Variants in ARHGAP1 observed in about 807,000 individuals in gnomAD.
The protein encoded by ARHGAP1 is Rho GTPase activating protein 1.
In ARHGAP1, 23 loss-of-function variants were observed where a neutral mutation model predicts 52.2. The ratio of observed to expected loss-of-function variants is 0.44; its 90% confidence interval spans 0.32 to 0.62. The LOEUF (loss-of-function observed/expected upper bound fraction) is 0.62, where lower values mean the gene tolerates loss of function less well. Ranked by LOEUF, ARHGAP1 falls within the 20% of genes least tolerant of loss-of-function variation. ARHGAP1 has a pLI of 0.05. For synonymous variants in ARHGAP1, 210 were observed against 228.4 expected (o/e 0.92, Z 0.73); for missense variants, 480 against 560.9 (o/e 0.86, Z 1.46).
At position 46,687,851 on chromosome 11, in the gene ARHGAP1, T is replaced by G. The variant is rs779087164; in HGVS notation, c.317+322A>C. On this transcript the variant is annotated intron_variant, in intron 4 of 12. Transcript: ENST00000311956. ...GATTATAACAGTCAATCATCACATC[T>G]GGACAAAAGTCCTTCCTTTTCATGT... The G allele has an allele frequency of 3.5e-4, 103 of 295,598 alleles. 1 individual carries two copies. The highest frequency in any genetic ancestry group is 2.6e-3 in the South Asian group (43 of 16,372). 18.3% of individuals were successfully genotyped at this position (295,598 alleles called of 1,614,324 possible). A position where few individuals can be genotyped will look rare whatever the true frequency, so the allele number is the denominator to read the frequency against.
intron 4 of ARHGAP1, 116 bp downstream of exon 4, chr11:46,688,057 G>A: frequency 1.1e-6 from 1 of 918,904 alleles, no homozygotes; most frequent in Non-Finnish European, 1.7e-6. Context: ...GAAGAGGGAA[G>A]GCATTAAGGC....
rs1338239627 is a variant in ARHGAP1, at chr11:46,679,135, T to C, written c.1222A>G (p.Ile408Val). 2 of 1,614,064 alleles carry C rather than the reference T, an allele frequency of 1.2e-6. No homozygotes were observed. Among genetic ancestry groups the C allele is most frequent in the Admixed American group, 1.7e-5 (1 of 60,010 alleles). Residue 408 changes from isoleucine to valine, a missense_variant, in exon 13 of 13, where the codon ATC becomes GTC. Transcript: ENST00000311956. This position sits in a 1 kb window ranked among gnomAD's most constrained non-coding sequence, Gnocchi z 4.4. ...PNLLWAKDAA[I>V]TLKAINPINT... is the part of the protein sequence containing the mutation. ...ATGGGATTAATGGCCTTGAGGGTGA[T>C]GGCCGCATCCTTGGCCCACAGCAGG...
Position 46,680,507 on chromosome 11 carries a change from A to G in ARHGAP1, c.800T>C (p.Val267Ala). The change falls in exon 9 of 13, where the codon GTT (valine) becomes GCT (alanine). Residue 267 changes from valine to alanine, a missense_variant. Val to Ala is a moderately conservative substitution (Grantham distance 64). Transcript: ENST00000311956. The surrounding 1 kb of genome is among the most constrained non-coding windows in gnomAD (Gnocchi z 5.9). Reference protein sequence around the residue: ...EPIPIVLRETVAYLQAHALTT... With the variant: ...EPIPIVLRETAAYLQAHALTT... Reference sequence around the variant, plus strand: ...CTCACCGTGGGCCTGTAAGTAGGCAACAGTCTCCCTGAGTACAATGGGAAT... The same window carrying G: ...CTCACCGTGGGCCTGTAAGTAGGCAGCAGTCTCCCTGAGTACAATGGGAAT... 1 of 1,614,036 alleles carries G rather than the reference A, an allele frequency of 6.2e-7. No individual in the cohort carries two copies. The highest frequency in any genetic ancestry group is 8.5e-7 in the Non-Finnish European group (1 of 1,179,978).
At chr11:46,695,333 T>C in intron 3 of ARHGAP1, 1 of 384,874 alleles carries the variant, frequency 2.6e-6, no homozygotes, top group Middle Eastern at 8.7e-4. Flanking sequence ...AAGCCAACAT[T>C]AGGGTGGAGG....
At position 46,680,805 on chromosome 11, in the gene ARHGAP1, A is replaced by G. The variant is rs2064519955; in HGVS notation, c.636-58T>C. On this transcript the variant is annotated intron_variant, in intron 7 of 12. Coordinates refer to ENST00000311956, the MANE Select transcript of ARHGAP1 (RefSeq NM_004308.5). This position sits in a 1 kb window ranked among gnomAD's most constrained non-coding sequence, Gnocchi z 5.9. The stretch of plus-strand genomic sequence containing the variant: ...GCCTGGCTCTGGAGTCACTCTGCCA[A>G]TTCAATCAAGCATTGACCACGCGGG... 5.2e-6 allele frequency: 7 copies of G among 1,355,748 alleles called. No homozygotes were observed. The highest frequency in any genetic ancestry group is 4.0e-6 in the Non-Finnish European group (4 of 995,424). 84.0% of individuals were successfully genotyped at this position (1,355,748 alleles called of 1,614,324 possible). A position where few individuals can be genotyped will look rare whatever the true frequency, so the allele number is the denominator to read the frequency against.
chr11:46,680,142 A>G lies in ARHGAP1; in HGVS notation c.898+63T>C, dbSNP rs2064512963. 1 of 1,507,628 alleles carries G rather than the reference A, an allele frequency of 6.6e-7. No individual in the cohort carries two copies. The highest frequency in any genetic ancestry group is 1.7e-4 in the Middle Eastern group (1 of 5,888). 93.4% of individuals were successfully genotyped at this position (1,507,628 alleles called of 1,614,324 possible). On this transcript the variant is annotated intron_variant, in intron 10 of 12. Transcript: ENST00000311956. The surrounding 1 kb of genome is among the most constrained non-coding windows in gnomAD (Gnocchi z 5.9). The stretch of plus-strand genomic sequence containing the variant: ...GAGACTCTCATTTACAGGGCAGCAG[A>G]GGGCAGAGAAGCCCCCTACCAGTAA...
chr11:46,677,975 C>T lies in ARHGAP1; in HGVS notation c.*1062G>A. On this transcript the variant is annotated 3_prime_UTR_variant, in exon 13 of 13. Transcript: ENST00000311956. ...AAAAAAAAAAGGTGGCCCTAGAGCC[C>T]CTTAATCCCCTGGGGAAATTGCTAG... 1 of 437,384 alleles carries T rather than the reference C, an allele frequency of 2.3e-6. No individual in the cohort carries two copies. Among genetic ancestry groups the T allele is most frequent in the Non-Finnish European group, 4.5e-6 (1 of 221,304 alleles). The allele number at this position is 437,384 out of a possible 1,614,324, so 27.1% of individuals were successfully genotyped here.
At position 46,679,051 on chromosome 11, in the gene ARHGAP1, G is replaced by T. The variant is rs528899760; in HGVS notation, c.1306C>A (p.Pro436Thr). Residue 436 changes from proline (P) to threonine (T), a missense_variant, in exon 13 of 13, where the codon CCC becomes ACC. Physicochemically the swap from Pro to Thr is conservative, Grantham distance 38 (BLOSUM62 -1). Coordinates refer to ENST00000311956, the MANE Select transcript of ARHGAP1 (RefSeq NM_004308.5). The surrounding 1 kb of genome is among the most constrained non-coding windows in gnomAD (Gnocchi z 4.4). ...HQGELFPSPD[P>T]SGL ...AGGGGCCAGGTTCAGAGCCCGCTGGGGTCCGGGCTTGGGAACAGCTCCCCT... is the reference window on the plus strand; with the variant it reads ...AGGGGCCAGGTTCAGAGCCCGCTGGTGTCCGGGCTTGGGAACAGCTCCCCT... The T allele has an allele frequency of 6.2e-7, 1 of 1,614,068 alleles. No individual in the cohort carries two copies. The highest frequency in any genetic ancestry group is 1.3e-5 in the African/African-American group (1 of 74,946).
Position 46,680,680 on chromosome 11 carries a change from G to C in ARHGAP1, c.703C>G (p.Pro235Ala). 1.2e-6 allele frequency: 2 copies of C among 1,605,326 alleles called. No homozygotes were observed. The highest frequency in any genetic ancestry group is 1.7e-6 in the Non-Finnish European group (2 of 1,174,984). ...ATAPKPMPPR[P>A]PLPNQQFGVS... is the part of the protein sequence containing the mutation. ...CCAAACTGCTGGTTGGGCAGGGGGG[G>C]CCGTGGGGGCATGGGCTTGGGGGCT... Residue 235 changes from proline to alanine, a missense_variant, in exon 8 of 13, where the codon CCC becomes GCC. Pro to Ala is a conservative substitution (Grantham distance 27, BLOSUM62 -1). Transcript: ENST00000311956. The surrounding 1 kb of genome is among the most constrained non-coding windows in gnomAD (Gnocchi z 5.9).
In ARHGAP1 at chr11:46,678,943, A is replaced by G. The variant is rs1402705765; in HGVS notation, c.*94T>C. 2.5e-5 allele frequency: 35 copies of G among 1,393,076 alleles called. No homozygotes were observed. The highest frequency in any genetic ancestry group is 2.5e-5 in the Non-Finnish European group (26 of 1,021,900). 86.3% of individuals were successfully genotyped at this position (1,393,076 alleles called of 1,614,324 possible). ...AGCATGCCTGATGGGTGGCTCCAAC[A>G]TCTCTCTCCAGGGGGCTTCATGGCC... On this transcript the variant is annotated 3_prime_UTR_variant, in exon 13 of 13. Coordinates refer to ENST00000311956, the MANE Select transcript of ARHGAP1 (RefSeq NM_004308.5).
At position 46,678,027 on chromosome 11, in the gene ARHGAP1, A is replaced by G. The variant is rs1215741206; in HGVS notation, c.*1010T>C. The stretch of plus-strand genomic sequence containing the variant: ...ACCCACCTATCTGGACTGACCTATC[A>G]GCACAATCTCTGCCCCTCCTACGGG... On this transcript the variant is annotated 3_prime_UTR_variant, in exon 13 of 13. Transcript: ENST00000311956. 5 of 398,522 alleles carry G rather than the reference A, an allele frequency of 1.3e-5. No individual in the cohort carries two copies. The highest frequency in any genetic ancestry group is 8.2e-5 in the East Asian group (1 of 12,212). The allele number at this position is 398,522 out of a possible 1,614,324, so 24.7% of individuals were successfully genotyped here. A position where few individuals can be genotyped will look rare whatever the true frequency, so the allele number is the denominator to read the frequency against.
intron 3 of ARHGAP1, chr11:46,695,373 G>A: frequency 2.2e-6 from 1 of 460,548 alleles, no homozygotes; most frequent in African/African-American, 2.0e-5. Flanking sequence ...GAGGGGAAGG[G>A]AAGGCTACTT....
Position 46,680,816 on chromosome 11 carries a change from C to A in ARHGAP1, c.636-69G>T. 2 of 1,254,140 alleles carry A rather than the reference C, an allele frequency of 1.6e-6. No homozygotes were observed. The highest frequency in any genetic ancestry group is 2.2e-6 in the Non-Finnish European group (2 of 904,760). 77.7% of individuals were successfully genotyped at this position (1,254,140 alleles called of 1,614,324 possible). The stretch of plus-strand genomic sequence containing the variant: ...GAGTCACTCTGCCAATTCAATCAAG[C>A]ATTGACCACGCGGGGTCAGGAGGAT... On this transcript the variant is annotated intron_variant, in intron 7 of 12. Transcript: ENST00000311956. The surrounding 1 kb of genome is among the most constrained non-coding windows in gnomAD (Gnocchi z 5.9).
At chr11:46,695,373 GA>G (rs1324082518) in intron 3 of ARHGAP1, 5 of 460,430 alleles carry the variant, frequency 1.1e-5, no homozygotes, top group Admixed American at 2.9e-5. Flanking sequence ...GAGGGGAAGG[GA>G]AGGCTACTTA....
intron 4 of ARHGAP1, chr11:46,687,877 G>A: frequency 2.9e-6 from 1 of 345,642 alleles, no homozygotes; most frequent in Non-Finnish European, 5.3e-6. Flanking sequence ...CTTTTCATGT[G>A]CTGTTTGTCA....
rs2064528315 is a variant in ARHGAP1, at chr11:46,681,561, G to A, written c.450-182C>T. The A allele has an allele frequency of 1.8e-6, 1 of 561,562 alleles. No homozygotes were observed. The highest frequency in any genetic ancestry group is 3.1e-5 in the East Asian group (1 of 31,814). The allele number at this position is 561,562 out of a possible 1,614,324, so 34.8% of individuals were successfully genotyped here. A position where few individuals can be genotyped will look rare whatever the true frequency, so the allele number is the denominator to read the frequency against. ...CTATTCTCCTGCCTCAGCCTCCTGA[G>A]TAACTAGGATTACAGGCACCCACCA... On this transcript the variant is annotated intron_variant, in intron 5 of 12. Coordinates refer to ENST00000311956, the MANE Select transcript of ARHGAP1 (RefSeq NM_004308.5). This position sits in a 1 kb window ranked among gnomAD's most constrained non-coding sequence, Gnocchi z 5.7.
chr11:46,699,020 T>C (rs916045374), intron 1 of ARHGAP1, among the ~76,000 whole-genome samples: 1 of 152,210 alleles, frequency 6.6e-6, no homozygotes, highest in Non-Finnish European at 1.5e-5. Flanking sequence ...AACTCTGAGA[T>C]TAATTTTTCC....
intron 3 of ARHGAP1, among the ~76,000 whole-genome samples, chr11:46,691,365 A>G (rs1183164318): frequency 6.6e-6 from 1 of 151,406 alleles, no homozygotes; most frequent in Non-Finnish European, 1.5e-5. Flanking sequence ...GCTCACTGCA[A>G]CCACCACCTC....
At position 46,679,060 on chromosome 11, in the gene ARHGAP1, T is replaced by C. The variant is rs1319295903; in HGVS notation, c.1297A>G (p.Ser433Gly). The C allele has an allele frequency of 6.2e-7, 1 of 1,614,170 alleles. No individual in the cohort carries two copies. Among genetic ancestry groups the C allele is most frequent in the Middle Eastern group, 1.6e-4 (1 of 6,062 alleles). The change falls in exon 13 of 13, where the codon AGC becomes GGC. Residue 433 changes from serine (S) to glycine (G), a missense_variant. By Grantham distance (56) the Ser-to-Gly change is moderately conservative. Transcript: ENST00000311956. The surrounding 1 kb of genome is among the most constrained non-coding windows in gnomAD (Gnocchi z 4.4). ...LLDHQGELFP[S>G]PDPSGL ...GTTCAGAGCCCGCTGGGGTCCGGGC[T>C]TGGGAACAGCTCCCCTTGGTGATCC...
Sources: gnomAD v4.1 joint callset for allele counts (sites outside exome capture counted in the v4.1 genomes callset) on GRCh38, gnomAD v4.1.1 for gene constraint, Gnocchi (gnomAD v3.1) non-coding constraint, MANE v1.5 for transcripts, NCBI Gene and HGNC (gene_info 2026-07-23, HGNC 2026-07-21) for gene names.